The following BFSP1 variants were observed in gnomAD, a reference collection of about 807,000 sequenced individuals.
BFSP1 encodes filensin.
Under a neutral mutation model 43.9 loss-of-function variants are expected in BFSP1, and 38 were observed. The observed-to-expected ratio is 0.87, with a 90% CI of 0.67 to 1.14. The LOEUF (loss-of-function observed/expected upper bound fraction) is 1.14. Among genes scored for constraint, BFSP1 ranks in the 50% most tolerant of loss-of-function variants. The pLI is 0.00. For missense variants in BFSP1, 850 were observed against 875.1 expected, an observed-to-expected ratio of 0.97 and a Z score of 0.36; for synonymous variants, 352 against 354.8, an observed-to-expected ratio of 0.99 and a Z score of 0.09.
Position 17,541,262 on chromosome 20 carries a change from T to G in BFSP1, c.3-16354A>C, listed in dbSNP as rs1278410044. ...AACTTGAAATAAAAGATAAAGTTTTTGCATGTTGGGAGGTTTGTCATGAAA... is the reference window on the plus strand; with the variant it reads ...AACTTGAAATAAAAGATAAAGTTTTGGCATGTTGGGAGGTTTGTCATGAAA... On this transcript the variant is annotated intron_variant, in intron 1 of 7. Coordinates refer to the BFSP1 transcript ENST00000377868. The G allele has an allele frequency of 3.1e-6, 3 of 982,730 alleles. No homozygotes were observed. In the African/African-American group the frequency reaches 5.2e-5, roughly 17 times the overall value. The allele number at this position is 982,730 out of a possible 1,614,324, so 60.9% of individuals were successfully genotyped here.
intron 7 of BFSP1, 109 bp from the exon 8 acceptor site, chr20:17,495,138 C>G: frequency 9.5e-7 from 1 of 1,055,404 alleles, no homozygotes; most frequent in Non-Finnish European, 1.4e-6. Flanking sequence ...GCCTATAGTA[C>G]TAGGGTGGGG....
At chr20:17,541,219 T>A in intron 1 of BFSP1, 1 of 965,696 alleles carries the variant, frequency 1.0e-6, no homozygotes, top group Non-Finnish European at 1.2e-6. Context: ...AAATAATAAT[T>A]AGTGAATATT....
At chr20:17,510,670 A>G (rs2034056541) in intron 4 of BFSP1, among the ~76,000 whole-genome samples, 1 of 152,224 alleles carries the variant, frequency 6.6e-6, no homozygotes, top group Non-Finnish European at 1.5e-5. Flanking sequence ...AAGTTCAGGC[A>G]GCCGGTGACC....
At chr20:17,502,300 G>A (rs1351574233) in intron 5 of BFSP1, among the ~76,000 whole-genome samples, 5 of 152,178 alleles carry the variant, frequency 3.3e-5, no homozygotes, top group Admixed American at 6.5e-5. Flanking sequence ...AGGACACAGC[G>A]TCACTCCATG....
chr20:17,501,365 GAC>G (rs886761834), intron 5 of BFSP1, among the ~76,000 whole-genome samples: 145 of 152,320 alleles, frequency 9.5e-4, no homozygotes, highest in African/African-American at 3.2e-3. Flanking sequence ...AGGAGTTCAA[GAC>G]CAGCCTGGCC....
upstream of BFSP1, among the ~76,000 whole-genome samples, chr20:17,533,506 A>G (rs908349466): frequency 6.6e-6 from 1 of 152,210 alleles, no homozygotes; most frequent in Non-Finnish European, 1.5e-5. Context: ...CTCTGCTCCC[A>G]ATGTCCCTCA....
rs574367024 is a variant in BFSP1 at position 17,557,463 on chromosome 20, C to G, written c.2+1225G>C. ...AGAATGGCTTTAGCTTTCTCTGCCC[C>G]CCTATGTCCCCTACAACGTATTCTA... is the stretch of plus-strand genomic sequence containing the variant. On this transcript the variant is annotated intron_variant, in intron 1 of 7. Transcript: ENST00000377868. Among the ~76,000 whole-genome samples the G allele has an allele frequency of 2.0e-5, 3 of 152,122 alleles. No individual in the cohort carries two copies. The East Asian group carries it at 5.8e-4, about 29-fold the overall frequency.
At chr20:17,496,352 G>C (rs769665943) in intron 7 of BFSP1, among the ~76,000 whole-genome samples, 8 of 152,226 alleles carry the variant, frequency 5.3e-5, no homozygotes, top group Non-Finnish European at 1.2e-4. Flanking sequence ...CGCTTGTTCA[G>C]AACTGGGAGA....
chr20:17,503,405 C>A (rs2033852137), intron 5 of BFSP1, among the ~76,000 whole-genome samples: 1 of 152,130 alleles, frequency 6.6e-6, no homozygotes, highest in Non-Finnish European at 1.5e-5. Context: ...AGAATGTACC[C>A]CAGATCACTG....
At chr20:17,562,252 G>A (rs1313422708), upstream of BFSP1, among the ~76,000 whole-genome samples, 2 of 144,260 alleles carry the variant, frequency 1.4e-5, no homozygotes, top group African/African-American at 2.6e-5. Context: ...CCCAGGCCGG[G>A]AGCGATGGCT....
intron 1 of BFSP1, among the ~76,000 whole-genome samples, chr20:17,554,157 C>T (rs2034953183): frequency 6.6e-6 from 1 of 151,930 alleles, no homozygotes; most frequent in South Asian, 2.1e-4. Context: ...TAGTTTAAGG[C>T]TGACTTTGTT....
At chr20:17,546,051 C>T (rs2034795785) in intron 1 of BFSP1, among the ~76,000 whole-genome samples, 1 of 152,196 alleles carries the variant, frequency 6.6e-6, no homozygotes, top group Admixed American at 6.5e-5. Context: ...GAATCTCCTC[C>T]TGGGGTCTGG....
In BFSP1 at chr20:17,497,030, GA is replaced by G; in HGVS notation, c.957-8del. 1 of 1,517,880 alleles carries G rather than the reference GA, an allele frequency of 6.6e-7. No homozygotes were observed. The highest frequency in any genetic ancestry group is 8.8e-7 in the Non-Finnish European group (1 of 1,131,740). 94.0% of individuals were successfully genotyped at this position (1,517,880 alleles called of 1,614,324 possible). Reference sequence around the variant, plus strand: ...AATGAAGGCAGAGGTCAGCCTGGCAGAAAGAACCAGAAAGAACAAGCCAAAC... The same window carrying G: ...AATGAAGGCAGAGGTCAGCCTGGCAGAAGAACCAGAAAGAACAAGCCAAAC... On this transcript the variant is annotated splice_region_variant and splice_polypyrimidine_tract_variant and intron_variant, in intron 6 of 7. Transcript: ENST00000377873.
chr20:17,520,210 G>GCGCCCCCCCCCCC (rs201615265), intron 2 of BFSP1, among the ~76,000 whole-genome samples: 1 of 133,356 alleles, frequency 7.5e-6, no homozygotes, highest in African/African-American at 3.0e-5. Context: ...GTTTTAACGT[G>GCGCCCCCCCCCCC]CCCCCCCACC....
chr20:17,538,113 T>C (rs60503938), intron 1 of BFSP1, among the ~76,000 whole-genome samples: 28,343 of 146,922 alleles, frequency 0.19, 2,895 homozygotes, highest in Non-Finnish European at 0.23. Flanking sequence ...AGAAGGACAC[T>C]GTGTCTCAAA....
At chr20:17,517,067 T>C (rs2034215445) in intron 2 of BFSP1, 1 of 912,244 alleles carries the variant, frequency 1.1e-6, no homozygotes, top group Non-Finnish European at 1.8e-6. Context: ...GACTTCGTGG[T>C]GGTGCTAAGA....
intron 1 of BFSP1, among the ~76,000 whole-genome samples, chr20:17,551,007 A>G (rs2034888063): frequency 6.6e-6 from 1 of 152,160 alleles, no homozygotes; most frequent in Non-Finnish European, 1.5e-5. Context: ...ACATGATGAC[A>G]TGCAGTCCAG....
At chr20:17,526,251 T>A (rs1361256098) in intron 1 of BFSP1, among the ~76,000 whole-genome samples, 9 of 133,468 alleles carry the variant, frequency 6.7e-5, no homozygotes, top group Non-Finnish European at 1.5e-5. Flanking sequence ...TGTTGTGAAA[T>A]CACCACCAAC....
intron 2 of BFSP1, among the ~76,000 whole-genome samples, chr20:17,517,851 T>C (rs542596021): frequency 6.6e-6 from 1 of 152,250 alleles, no homozygotes; most frequent in South Asian, 2.1e-4. Context: ...GTGGCTGCCA[T>C]ACTGCATGGC....
Sources: gnomAD v4.1 joint callset for allele counts (sites outside exome capture counted in the v4.1 genomes callset) on GRCh38, gnomAD v4.1.1 for gene constraint, MANE v1.5 for transcripts, NCBI Gene and HGNC (gene_info 2026-07-23, HGNC 2026-07-21) for gene names.